SLC30A9: variants seen among roughly 807,000 people sequenced by gnomAD.
SLC30A9 encodes proton-coupled zinc antiporter SLC30A9, mitochondrial.
SLC30A9 carries 58 observed loss-of-function variants against 87.5 expected under a neutral mutation model. The ratio of observed to expected loss-of-function variants is 0.66; its 90% CI spans 0.54 to 0.82. The LOEUF is 0.82. Ranked by LOEUF, SLC30A9 falls within the 40% of genes least tolerant of loss-of-function variation. The pLI, the probability that SLC30A9 is intolerant of heterozygous loss-of-function variation, is 0.00. For missense variants in SLC30A9, 557 were observed against 679.1 expected (o/e 0.82, Z 2.00); for synonymous variants, 234 against 233.0 (o/e 1.00, Z -0.04).
intron 3 of SLC30A9, among the ~76,000 whole-genome samples, chr4:42,019,745 C>T (rs1163742978): frequency 6.6e-6 from 1 of 152,046 alleles, no homozygotes; most frequent in Admixed American, 6.5e-5. Context: ...ATGCTGATTT[C>T]ACCTCACAGT....
chr4:41,994,029 C>T (rs1276140722), intron 1 of SLC30A9, among the ~76,000 whole-genome samples: 3 of 151,934 alleles, frequency 2.0e-5, no homozygotes, highest in Non-Finnish European at 4.4e-5. Context: ...TGGTGGCGGG[C>T]GCCTGTAATC....
At chr4:41,993,795 G>T (rs2660345) in intron 1 of SLC30A9, among the ~76,000 whole-genome samples, 151,386 of 152,354 alleles carry the variant, frequency 0.99, 75,223 homozygotes, top group Middle Eastern at 1. Flanking sequence ...TATGGAGAGT[G>T]GGAAACTGAA....
At chr4:42,009,033 A>T (rs138609490) in intron 2 of SLC30A9, among the ~76,000 whole-genome samples, 2 of 152,344 alleles carry the variant, frequency 1.3e-5, no homozygotes, top group East Asian at 3.9e-4. Context: ...ATAGTGATGA[A>T]ATAATATAAT....
At chr4:42,075,499 A>G (rs1204817547) in intron 15 of SLC30A9, among the ~76,000 whole-genome samples, 158 bp from the exon 16 acceptor site, 7 of 152,312 alleles carry the variant, frequency 4.6e-5, no homozygotes, top group African/African-American at 1.7e-4. Flanking sequence ...GCCTTGGAAA[A>G]TGATAGGTGG....
At chr4:42,079,249 T>C (rs1472886517) in intron 17 of SLC30A9, among the ~76,000 whole-genome samples, 1 of 152,082 alleles carries the variant, frequency 6.6e-6, no homozygotes, top group East Asian at 1.9e-4. Flanking sequence ...AATTTTAAAA[T>C]ATTTATCATT....
At position 42,087,525 on chromosome 4, in the gene SLC30A9, G is replaced by C. The variant is rs185352786; in HGVS notation, c.*1399G>C. ...AAATAAATCCTTGGTTAAAGGGTTT[G>C]TAATGGTGATTTTTGACCCAGAAAT... On this transcript the variant is annotated 3_prime_UTR_variant, in exon 18 of 18. Transcript: ENST00000264451. The C allele has an allele frequency of 4.6e-5, 7 of 151,368 alleles. No individual in the cohort carries two copies. The South Asian group carries it at 1.5e-3, about 32-fold the overall frequency. The allele number at this position is 151,368 out of a possible 1,614,324, so 9.4% of individuals were successfully genotyped here.
chr4:42,045,675 C>G (rs35617247), intron 8 of SLC30A9, among the ~76,000 whole-genome samples: 99,174 of 151,778 alleles, frequency 0.65, 36,871 homozygotes, highest in East Asian at 0.96. Flanking sequence ...TCTTCTGAAA[C>G]TATTCCAAAC....
At position 42,089,257 on chromosome 4, in the gene SLC30A9, T is replaced by C. The variant is rs1481459403; in HGVS notation, c.*3131T>C. 1 of 152,154 alleles carries C rather than the reference T, an allele frequency of 6.6e-6. No homozygotes were observed. The highest frequency in any genetic ancestry group is 2.4e-5 in the African/African-American group (1 of 41,436). 9.4% of individuals were successfully genotyped at this position (152,154 alleles called of 1,614,324 possible). A position where few individuals can be genotyped will look rare whatever the true frequency, so the allele number is the denominator to read the frequency against. ...TGGTTGCACTTAAGAATTTTTATGATGGGTTTATTGGCACATAACCCAATA... is the reference window on the plus strand; with the variant it reads ...TGGTTGCACTTAAGAATTTTTATGACGGGTTTATTGGCACATAACCCAATA... On this transcript the variant is annotated 3_prime_UTR_variant, in exon 18 of 18. Transcript: ENST00000264451.
chr4:42,068,789 G>A (rs1560558575), intron 14 of SLC30A9, among the ~76,000 whole-genome samples: 1 of 151,890 alleles, frequency 6.6e-6, no homozygotes, highest in Non-Finnish European at 1.5e-5. Flanking sequence ...TAAGTGTTTT[G>A]AGGGCCAATA....
intron 4 of SLC30A9, among the ~76,000 whole-genome samples, chr4:42,021,282 A>G (rs1461827598): frequency 6.6e-6 from 1 of 152,222 alleles, no homozygotes; most frequent in African/African-American, 2.4e-5. Context: ...AGCATAATAC[A>G]AGATGTTAGT....
intron 8 of SLC30A9, among the ~76,000 whole-genome samples, chr4:42,047,500 A>G (rs1717210705): frequency 1.3e-5 from 2 of 152,258 alleles, no homozygotes; most frequent in South Asian, 4.1e-4. Flanking sequence ...ACTGGTCATT[A>G]GAGAAATGCA....
At chr4:42,053,017 A>G (rs1301273387) in intron 9 of SLC30A9, among the ~76,000 whole-genome samples, 1 of 104,126 alleles carries the variant, frequency 9.6e-6, no homozygotes, top group Non-Finnish European at 2.3e-5. Flanking sequence ...CGATTCAGTA[A>G]TAAAATGAGA....
chr4:42,076,375 C>G (rs541451779), intron 16 of SLC30A9, among the ~76,000 whole-genome samples: 1 of 152,146 alleles, frequency 6.6e-6, no homozygotes, highest in African/African-American at 2.4e-5. Flanking sequence ...TCTTCCATCC[C>G]TAGAATTAAA....
chr4:42,012,503 T>C (rs1715492324), intron 2 of SLC30A9, among the ~76,000 whole-genome samples: 1 of 152,202 alleles, frequency 6.6e-6, no homozygotes, highest in Non-Finnish European at 1.5e-5. Context: ...GGTGTATATA[T>C]GGAGTACATG....
chr4:41,994,717 A>G (rs948777369), intron 1 of SLC30A9, among the ~76,000 whole-genome samples: 1 of 150,738 alleles, frequency 6.6e-6, no homozygotes, highest in African/African-American at 2.4e-5. Flanking sequence ...GTGAAACCTC[A>G]TCTCTACTAA....
chr4:42,008,569 C>G (rs1715311486), intron 2 of SLC30A9, among the ~76,000 whole-genome samples: 1 of 152,046 alleles, frequency 6.6e-6, no homozygotes, highest in Non-Finnish European at 1.5e-5. Flanking sequence ...AGTGCAGGGA[C>G]AGTGTTTAGA....
intron 17 of SLC30A9, among the ~76,000 whole-genome samples, chr4:42,080,992 C>T (rs1211899092): frequency 2.0e-5 from 3 of 152,154 alleles, no homozygotes; most frequent in African/African-American, 7.2e-5. Flanking sequence ...CTTAAATTTC[C>T]ACTTAAAAGC....
At chr4:42,081,812 T>C (rs988742219) in intron 17 of SLC30A9, among the ~76,000 whole-genome samples, 3 of 152,230 alleles carry the variant, frequency 2.0e-5, no homozygotes, top group Non-Finnish European at 4.4e-5. Flanking sequence ...CTTTGTACTT[T>C]AACTAGAGGC....
intron 13 of SLC30A9, 72 bp from the exon 14 acceptor site, chr4:42,067,013 T>C: frequency 1.2e-6 from 1 of 859,630 alleles, no homozygotes; most frequent in Non-Finnish European, 1.9e-6. Context: ...GGATACTTAT[T>C]AAAATGTTAC....
Sources: allele counts gnomAD v4.1 joint callset (sites outside exome capture counted in the v4.1 genomes callset), GRCh38; gene constraint gnomAD v4.1.1; transcripts MANE v1.5; gene names NCBI Gene and HGNC (gene_info 2026-07-23, HGNC 2026-07-21).